The following MAGI3 variants were observed in gnomAD, a reference collection of about 807,000 sequenced individuals.
MAGI3 encodes membrane-associated guanylate kinase, WW and PDZ domain-containing protein 3.
MAGI3 carries 43 observed loss-of-function variants against 121.8 expected under a neutral mutation model. That is an observed-to-expected ratio of 0.35 (90% CI 0.28 to 0.46). The LOEUF (loss-of-function observed/expected upper bound fraction) is 0.46. Among genes scored for constraint, MAGI3 ranks in the 20% least tolerant of loss-of-function variants. MAGI3 has a pLI of 1.00. For synonymous variants in MAGI3, 553 were observed against 639.3 expected (o/e 0.86, Z 2.04); for missense variants, 1,547 against 1,797.3 (o/e 0.86, Z 2.52).
At chr1:113,655,730 G>A (rs1272443004) in intron 15 of MAGI3, among the ~76,000 whole-genome samples, 1 of 151,968 alleles carries the variant, frequency 6.6e-6, no homozygotes, top group Non-Finnish European at 1.5e-5. Flanking sequence ...GTCTGATCTT[G>A]GGCAAATTAC....
Position 113,622,940 on chromosome 1 carries a change from G to T in MAGI3, c.1306G>T (p.Val436Leu). ...AGATAGACCTGATGAGTTCCTACAAGTGAAAAATGTGCTGAAAGATGGTCC... is the reference window on the plus strand; with the variant it reads ...AGATAGACCTGATGAGTTCCTACAATTGAAAAATGTGCTGAAAGATGGTCC... The part of the protein sequence containing the change: ...GGDRPDEFLQ[V>L]KNVLKDGPAA... Residue 436 changes from valine (V) to leucine (L), a missense_variant, in exon 9 of 21, where the codon GTG becomes TTG. Val to Leu is a conservative substitution (Grantham distance 32). Transcript: ENST00000307546. The T allele has an allele frequency of 6.4e-7, 1 of 1,573,228 alleles. No homozygotes were observed. Among genetic ancestry groups the T allele is most frequent in the Non-Finnish European group, 8.6e-7 (1 of 1,166,760 alleles).
At chr1:113,484,091 G>C (rs1656237615) in intron 1 of MAGI3, among the ~76,000 whole-genome samples, 1 of 152,088 alleles carries the variant, frequency 6.6e-6, no homozygotes, top group African/African-American at 2.4e-5. Context: ...GATTCTAAAA[G>C]GGCATAATTA....
At chr1:113,552,601 A>G (rs1659830375) in intron 2 of MAGI3, among the ~76,000 whole-genome samples, 1 of 152,116 alleles carries the variant, frequency 6.6e-6, no homozygotes, top group Non-Finnish European at 1.5e-5. Flanking sequence ...GCCCTCTGCC[A>G]CTTTCACTTA....
In MAGI3 at chr1:113,666,587, A is replaced by G. The variant is rs544685915; in HGVS notation, c.2816-5147A>G. On this transcript the variant is annotated intron_variant, in intron 16 of 20. Coordinates refer to ENST00000307546, the MANE Select transcript of MAGI3 (RefSeq NM_001142782.2). ...CATCTGCAGTTACTTCCTCCACTGA[A>G]GTCTTGAACCTCTCAAAGTCATCCA... 4.2e-3 allele frequency among the ~76,000 whole-genome samples: 635 copies of G among 152,316 alleles called. 5 individuals carry two copies. The highest frequency in any genetic ancestry group is 0.014 in the African/African-American group (595 of 41,572).
intron 2 of MAGI3, among the ~76,000 whole-genome samples, chr1:113,571,737 G>T (rs1297915795): frequency 6.6e-6 from 1 of 152,162 alleles, no homozygotes; most frequent in Non-Finnish European, 1.5e-5. Context: ...TTTGCACATT[G>T]ATTTTTGTAT....
At chr1:113,610,912 G>A (rs1570938895) in intron 6 of MAGI3, among the ~76,000 whole-genome samples, 2 of 151,554 alleles carry the variant, frequency 1.3e-5, no homozygotes, top group South Asian at 2.1e-4. Flanking sequence ...CTAGCCTGGC[G>A]ACAGAGGAAG....
At chr1:113,545,057 A>C (rs2101661301) in intron 1 of MAGI3, among the ~76,000 whole-genome samples, 1 of 150,196 alleles carries the variant, frequency 6.7e-6, no homozygotes, top group Non-Finnish European at 1.5e-5. Context: ...AACAAAATAT[A>C]GTTTTTTGTT....
At chr1:113,591,432 C>G (rs1557840139) in intron 5 of MAGI3, among the ~76,000 whole-genome samples, 1 of 152,082 alleles carries the variant, frequency 6.6e-6, no homozygotes, top group Non-Finnish European at 1.5e-5. Context: ...GATCTAGGCA[C>G]TACACTCAAA....
In MAGI3 at chr1:113,391,241, G is replaced by A; in HGVS notation, c.208G>A (p.Val70Met). The change falls in exon 1 of 21, where the codon GTG becomes ATG. Residue 70 changes from valine to methionine, a missense_variant. Physicochemically the swap from Val to Met is conservative, Grantham distance 21. Transcript: ENST00000307546. The surrounding 1 kb of genome is among the most constrained non-coding windows in gnomAD (Gnocchi z 4.4). Reference protein sequence around the residue: ...VSGKAPSPGDVLLEVNGTPVS... With the variant: ...VSGKAPSPGDMLLEVNGTPVS... ...GGGCAAGGCGCCCAGCCCAGGCGATGTGCTGCTGGAGGTAAACGGGACGCC... is the reference window on the plus strand; with the variant it reads ...GGGCAAGGCGCCCAGCCCAGGCGATATGCTGCTGGAGGTAAACGGGACGCC... 6.4e-7 allele frequency: 1 copy of A among 1,571,844 alleles called. No homozygotes were observed.
chr1:113,582,753 T>G (rs1648116207), intron 3 of MAGI3, among the ~76,000 whole-genome samples: 1 of 151,852 alleles, frequency 6.6e-6, no homozygotes, highest in African/African-American at 2.4e-5. Context: ...AGAGCTTTAA[T>G]TGTAGATGTG....
intron 1 of MAGI3, among the ~76,000 whole-genome samples, chr1:113,531,800 C>G (rs924741206): frequency 2.0e-5 from 3 of 152,096 alleles, no homozygotes; most frequent in African/African-American, 7.2e-5. Flanking sequence ...ACAGAAATCA[C>G]CATGTCTCCC....
At chr1:113,394,935 T>A (rs1651012806) in intron 1 of MAGI3, among the ~76,000 whole-genome samples, 1 of 152,076 alleles carries the variant, frequency 6.6e-6, no homozygotes. Flanking sequence ...GACATCCAAT[T>A]TGTAAGGGAG....
chr1:113,401,955 T>C (rs915322137), intron 1 of MAGI3, among the ~76,000 whole-genome samples: 1 of 152,198 alleles, frequency 6.6e-6, no homozygotes, highest in Admixed American at 6.5e-5. Flanking sequence ...TACGCTGTTA[T>C]GTTTTCTCTC....
chr1:113,436,064 A>T (rs1570671916), intron 1 of MAGI3, among the ~76,000 whole-genome samples: 1 of 152,166 alleles, frequency 6.6e-6, no homozygotes, highest in Non-Finnish European at 1.5e-5. Flanking sequence ...TAGGAAAGTT[A>T]TGTCAGATGA....
intron 7 of MAGI3, among the ~76,000 whole-genome samples, chr1:113,619,054 A>G (rs1412371203): frequency 1.3e-5 from 2 of 152,210 alleles, no homozygotes; most frequent in Admixed American, 6.5e-5. Flanking sequence ...CCTAGCGGCT[A>G]GTCTCCCCAG....
At chr1:113,421,665 C>T (rs1318826984) in intron 1 of MAGI3, among the ~76,000 whole-genome samples, 1 of 151,958 alleles carries the variant, frequency 6.6e-6, no homozygotes, top group Non-Finnish European at 1.5e-5. Flanking sequence ...GGTACTTGGA[C>T]CATACTCTTA....
intron 1 of MAGI3, among the ~76,000 whole-genome samples, chr1:113,546,688 G>A (rs745308250): frequency 5.3e-5 from 8 of 151,602 alleles, no homozygotes; most frequent in African/African-American, 9.7e-5. Flanking sequence ...ACAACTGTTC[G>A]TCTCGGTGTT....
intron 1 of MAGI3, among the ~76,000 whole-genome samples, chr1:113,513,766 A>T (rs543723838): frequency 3.2e-4 from 48 of 152,338 alleles, no homozygotes; most frequent in African/African-American, 1.1e-3. Flanking sequence ...ACAAAAGCCA[A>T]AATTGACAAA....
rs571200436 is a variant in MAGI3, at chr1:113,682,264, C to T, written c.3329-633C>T. On this transcript the variant is annotated intron_variant, in intron 20 of 20. Coordinates refer to ENST00000307546, the MANE Select transcript of MAGI3 (RefSeq NM_001142782.2). ...ACGTGAAACCCGAGCAACATTAAGGCTTTCAGGGCTTTTCTTGGTCTTTCC... is the reference window on the plus strand; with the variant it reads ...ACGTGAAACCCGAGCAACATTAAGGTTTTCAGGGCTTTTCTTGGTCTTTCC... The T allele has an allele frequency of 2.9e-5, 47 of 1,609,618 alleles. 1 individual carries two copies. The South Asian group carries it at 4.8e-4, about 16-fold the overall frequency.
Sources: allele counts gnomAD v4.1 joint callset (sites outside exome capture counted in the v4.1 genomes callset), GRCh38; gene constraint gnomAD v4.1.1; non-coding constraint Gnocchi (gnomAD v3.1); transcripts MANE v1.5; gene names NCBI Gene and HGNC (gene_info 2026-07-23, HGNC 2026-07-21).